LNX1: variants seen among roughly 807,000 people sequenced by gnomAD.
LNX1 encodes the protein E3 ubiquitin-protein ligase LNX.
Under a neutral mutation model 68.4 loss-of-function variants are expected in LNX1, and 54 were observed. The ratio of observed to expected loss-of-function variants is 0.79; its 90% CI spans 0.63 to 0.99. The LOEUF is 0.99. LNX1 is among the 50% of genes least tolerant of loss of function. The probability of loss-of-function intolerance (pLI) is 0.00; values close to 1 mark genes in which losing one functional copy is unlikely to be tolerated. For synonymous variants in LNX1, 336 were observed against 350.0 expected, an observed-to-expected ratio of 0.96 and a Z score of 0.45; for missense variants, 906 against 926.4, an observed-to-expected ratio of 0.98 and a Z score of 0.29.
chr4:53,630,992 G>A (rs114260591), intron 1 of LNX1, among the ~76,000 whole-genome samples: 255 of 152,308 alleles, frequency 1.7e-3, no homozygotes, highest in Non-Finnish European at 3.1e-3. Context: ...TGGGCAAGCC[G>A]GTCAGGTAAA....
intron 2 of LNX1, among the ~76,000 whole-genome samples, chr4:53,607,325 A>C (rs2590803): frequency 6.6e-6 from 1 of 151,988 alleles, no homozygotes; most frequent in Non-Finnish European, 1.5e-5. Context: ...ATGACATCCA[A>C]GCTGAGAGCC....
chr4:53,567,768 AAGAG>A (rs1730805799), intron 2 of LNX1, among the ~76,000 whole-genome samples: 1 of 152,228 alleles, frequency 6.6e-6, no homozygotes, highest in South Asian at 2.1e-4. Context: ...TAAAGAAAAA[AAGAG>A]AGAAGAATCA....
chr4:53,613,242 G>T (rs1425375468), intron 2 of LNX1, among the ~76,000 whole-genome samples: 1 of 151,934 alleles, frequency 6.6e-6, no homozygotes, highest in African/African-American at 2.4e-5. Flanking sequence ...TTGATCCCAT[G>T]CATGCATTTA....
intron 2 of LNX1, among the ~76,000 whole-genome samples, chr4:53,535,906 C>A (rs1728341059): frequency 6.6e-6 from 1 of 152,202 alleles, no homozygotes; most frequent in Non-Finnish European, 1.5e-5. Context: ...AAAGCACCAT[C>A]ACACCCATTT....
intron 6 of LNX1, among the ~76,000 whole-genome samples, chr4:53,486,412 G>A (rs1724296864): frequency 6.6e-6 from 1 of 152,142 alleles, no homozygotes; most frequent in Admixed American, 6.5e-5. Context: ...CAGGCCAAGA[G>A]GAAGCGGTTC....
intron 1 of LNX1, among the ~76,000 whole-genome samples, chr4:53,638,070 T>C (rs1734548510): frequency 6.6e-6 from 1 of 152,224 alleles, no homozygotes; most frequent in East Asian, 1.9e-4. Context: ...GAGGGAAATA[T>C]GAATGACCAC....
intron 2 of LNX1, among the ~76,000 whole-genome samples, chr4:53,535,567 T>C (rs577822462): frequency 7.9e-5 from 12 of 152,302 alleles, no homozygotes; most frequent in Non-Finnish European, 1.5e-4. Context: ...GTGAATACTT[T>C]AAAACTCTGC....
At chr4:53,524,173 T>A (rs1047637677) in intron 2 of LNX1, 4 of 152,150 alleles carry the variant, frequency 2.6e-5, no homozygotes, top group African/African-American at 4.8e-5. Context: ...ATATATATAT[T>A]TTTTCTCTTC....
At chr4:53,486,880 C>T (rs933653102) in intron 6 of LNX1, among the ~76,000 whole-genome samples, 1 of 151,690 alleles carries the variant, frequency 6.6e-6, no homozygotes, top group Non-Finnish European at 1.5e-5. Flanking sequence ...TTTGGCATTG[C>T]ATGAATCCAT....
At chr4:53,463,746 G>T (rs1351193468) in intron 9 of LNX1, among the ~76,000 whole-genome samples, 2 of 152,066 alleles carry the variant, frequency 1.3e-5, no homozygotes, top group Non-Finnish European at 2.9e-5. Flanking sequence ...TAATGAGTAT[G>T]GTGGCTCATT....
Position 53,575,695 on chromosome 4 carries a change from C to T in LNX1, c.-86-1607G>A, listed in dbSNP as rs1395207638. The T allele has an allele frequency of 3.6e-6, 5 of 1,396,822 alleles. No homozygotes were observed. In the African/African-American group the frequency reaches 5.8e-5, roughly 16 times the overall value. The allele number at this position is 1,396,822 out of a possible 1,614,324, so 86.5% of individuals were successfully genotyped here. On this transcript the variant is annotated intron_variant, in intron 1 of 10. Coordinates refer to ENST00000263925, the MANE Select transcript of LNX1 (RefSeq NM_001126328.3). ...GGACCCACCCCCTGGGCTGGCTAAT[C>T]AAGGAGGAAGCAGCAGCAGTGTCTG...
chr4:53,510,415 A>G (rs759708148), intron 2 of LNX1, among the ~76,000 whole-genome samples: 4 of 152,170 alleles, frequency 2.6e-5, no homozygotes, highest in Non-Finnish European at 4.4e-5. Flanking sequence ...TGGTTATACA[A>G]CCTTATGTCC....
At chr4:53,569,542 C>A (rs1577730496) in intron 2 of LNX1, among the ~76,000 whole-genome samples, 2 of 139,414 alleles carry the variant, frequency 1.4e-5, no homozygotes, top group South Asian at 2.5e-4. Flanking sequence ...AAACGTTAGA[C>A]CTAAAACCAT....
At chr4:53,487,726 T>C (rs1446311950) in intron 6 of LNX1, among the ~76,000 whole-genome samples, 2 of 152,212 alleles carry the variant, frequency 1.3e-5, no homozygotes, top group Admixed American at 6.5e-5. Flanking sequence ...ATGCGACTGA[T>C]AACTATATAA....
intron 1 of LNX1, chr4:53,652,114 T>C (rs752803854): frequency 4.0e-5 from 6 of 149,354 alleles, no homozygotes; most frequent in African/African-American, 1.3e-4. Context: ...AGAGGTGAAG[T>C]TTTTTTTTAA....
At chr4:53,613,497 C>T (rs62325489) in intron 2 of LNX1, among the ~76,000 whole-genome samples, 62,532 of 151,820 alleles carry the variant, frequency 0.41, 12,880 homozygotes, top group Admixed American at 0.45. Context: ...TTTTCCTGAT[C>T]CTCTCCGTCC....
chr4:53,604,950 G>A lies in LNX1; in HGVS notation c.-215+11567C>T, dbSNP rs11133282. 0.13 allele frequency among the ~76,000 whole-genome samples: 20,432 copies of A among 152,108 alleles called. 1,401 individuals are homozygous for A. Among genetic ancestry groups the A allele is most frequent in the Non-Finnish European group, 0.16 (10,948 of 67,998 alleles). Reference sequence around the variant, plus strand: ...GAAACAACATCACTCCTCACAACCCGGGTGATTTGCAAAGTCACCAGGGAA... The same window carrying A: ...GAAACAACATCACTCCTCACAACCCAGGTGATTTGCAAAGTCACCAGGGAA... On this transcript the variant is annotated intron_variant, in intron 2 of 3. Transcript: ENST00000504299.
chr4:53,512,508 G>A (rs4864774), intron 2 of LNX1, among the ~76,000 whole-genome samples: 4 of 149,376 alleles, frequency 2.7e-5, no homozygotes, highest in South Asian at 2.1e-4. Context: ...GTGTGTGTGT[G>A]TGTGTGTGTG....
intron 1 of LNX1, among the ~76,000 whole-genome samples, chr4:53,637,038 T>A (rs1394660434): frequency 6.7e-6 from 1 of 149,760 alleles, no homozygotes; most frequent in Admixed American, 6.7e-5. Context: ...AGTTTAGGAC[T>A]GAATTACCGC....
Sources: allele counts gnomAD v4.1 joint callset (sites outside exome capture counted in the v4.1 genomes callset), GRCh38; gene constraint gnomAD v4.1.1; transcripts MANE v1.5; gene names NCBI Gene and HGNC (gene_info 2026-07-23, HGNC 2026-07-21).